RAP1A: variants seen among roughly 807,000 people sequenced by gnomAD.
RAP1A encodes the protein ras-related protein Rap-1A.
RAP1A carries 6 observed loss-of-function variants against 26.4 expected under a neutral mutation model. The ratio of observed to expected loss-of-function variants is 0.23; its 90% confidence interval spans 0.12 to 0.45. RAP1A has a LOEUF of 0.45. RAP1A is among the 20% of genes least tolerant of loss of function. RAP1A has a pLI of 0.99. For synonymous variants in RAP1A, 73 were observed against 79.4 expected, an observed-to-expected ratio of 0.92 and a Z score of 0.43; for missense variants, 121 against 217.2, an observed-to-expected ratio of 0.56 and a Z score of 2.78.
upstream of RAP1A, among the ~76,000 whole-genome samples, chr1:111,617,961 C>T (rs901088609): frequency 4.0e-5 from 6 of 151,524 alleles, no homozygotes; most frequent in South Asian, 4.2e-4. Flanking sequence ...GAGAATCGCT[C>T]GAACCAGGGA....
rs199741781 is a variant in RAP1A at position 111,594,567 on chromosome 1, G to GGGAAGGAAGGAAGGAAGGAAGGAAGGGA, written c.-28+52080_-28+52081insAAGGGAGGAAGGAAGGAAGGAAGGAAGG. 7.6e-3 allele frequency among the ~76,000 whole-genome samples: 1,071 copies of GGGAAGGAAGGAAGGAAGGAAGGAAGGGA among 141,530 alleles called. 12 individuals carry two copies. The highest frequency in any genetic ancestry group is 0.027 in the African/African-American group (984 of 36,832). 92.8% of individuals were successfully genotyped at this position (141,530 alleles called of 152,430 possible). ...AAGAAAGAAAGAAGGAAAGGAGGGA[G>GGGAAGGAAGGAAGGAAGGAAGGAAGGGA]GGAAGGAAGGAAGGAAGGAAGGGAG... On this transcript the variant is annotated intron_variant, in intron 1 of 7. Transcript: ENST00000356415.
rs531258468 is a variant in RAP1A, at chr1:111,696,672, A to C, written c.127-769A>C. On this transcript the variant is annotated intron_variant, in intron 3 of 7. Transcript: ENST00000369709. ...GTTGCTAGTTAAAGCTTTAACTGCAAAGCAAGATCTGTACCTAAAATTCTA... is the reference window on the plus strand; with the variant it reads ...GTTGCTAGTTAAAGCTTTAACTGCACAGCAAGATCTGTACCTAAAATTCTA... 2.0e-4 allele frequency among the ~76,000 whole-genome samples: 31 copies of C among 152,334 alleles called. 1 individual carries two copies. In the South Asian group the frequency reaches 5.6e-3, roughly 27 times the overall value.
intron 1 of RAP1A, among the ~76,000 whole-genome samples, chr1:111,630,095 A>G (rs1406221275): frequency 6.6e-6 from 1 of 152,232 alleles, no homozygotes; most frequent in Admixed American, 6.5e-5. Flanking sequence ...AGTAGCTAGC[A>G]GTTTATGGGA....
chr1:111,656,383 A>C (rs1248099074), intron 1 of RAP1A, among the ~76,000 whole-genome samples: 1 of 152,224 alleles, frequency 6.6e-6, no homozygotes, highest in Non-Finnish European at 1.5e-5. Flanking sequence ...ATCTACTATA[A>C]AAATAAATAA....
chr1:111,688,299 G>T (rs66515524), intron 1 of RAP1A, among the ~76,000 whole-genome samples: 1 of 140,682 alleles, frequency 7.1e-6, no homozygotes, highest in Non-Finnish European at 1.5e-5. Context: ...GTGTGTGTGT[G>T]TATATATATT....
intron 1 of RAP1A, among the ~76,000 whole-genome samples, chr1:111,565,598 G>A (rs1174591355): frequency 2.0e-5 from 3 of 152,174 alleles, no homozygotes; most frequent in African/African-American, 4.8e-5. Context: ...TGTGAAATGT[G>A]ACTAGTATGG....
At chr1:111,590,064 C>G (rs1226843762) in intron 1 of RAP1A, among the ~76,000 whole-genome samples, 1 of 152,200 alleles carries the variant, frequency 6.6e-6, no homozygotes, top group Non-Finnish European at 1.5e-5. Context: ...GCCACTGCAC[C>G]CGGCCTACTA....
intron 1 of RAP1A, among the ~76,000 whole-genome samples, chr1:111,620,536 C>G (rs796214973): frequency 3.3e-5 from 5 of 152,294 alleles, no homozygotes; most frequent in African/African-American, 1.2e-4. Context: ...ATTGCTGTCT[C>G]CGGGCTCACT....
At chr1:111,577,401 CAAAAAAAAAAAA>C (rs56156855) in intron 1 of RAP1A, among the ~76,000 whole-genome samples, 1 of 29,040 alleles carries the variant, frequency 3.4e-5, no homozygotes, top group African/African-American at 1.3e-4. Context: ...GACTCCATCG[CAAAAAAAAAAAA>C]AAAAAAAAAA....
chr1:111,595,656 A>G (rs1658552597), intron 1 of RAP1A, among the ~76,000 whole-genome samples: 1 of 152,110 alleles, frequency 6.6e-6, no homozygotes, highest in African/African-American at 2.4e-5. Flanking sequence ...TACCTGCTGG[A>G]GAGGTGTGTT....
At chr1:111,585,958 A>G (rs1658357900) in intron 1 of RAP1A, among the ~76,000 whole-genome samples, 1 of 152,164 alleles carries the variant, frequency 6.6e-6, no homozygotes, top group Non-Finnish European at 1.5e-5. Flanking sequence ...GCCACCCTCC[A>G]TTGCATTGCT....
intron 1 of RAP1A, among the ~76,000 whole-genome samples, chr1:111,690,213 GCTA>G (rs1201924152): frequency 2.0e-5 from 3 of 152,106 alleles, no homozygotes; most frequent in Non-Finnish European, 2.9e-5. Flanking sequence ...ATTTAGCTTT[GCTA>G]CTAAGATAAG....
At chr1:111,667,067 A>G (rs1023375958) in intron 1 of RAP1A, among the ~76,000 whole-genome samples, 2 of 152,232 alleles carry the variant, frequency 1.3e-5, no homozygotes, top group Admixed American at 6.5e-5. Flanking sequence ...TCTGGCTGCA[A>G]TGTAGAGGAA....
Position 111,690,431 on chromosome 1 carries a change from A to G in RAP1A, c.-27-903A>G, listed in dbSNP as rs79292199. 7.6e-3 allele frequency among the ~76,000 whole-genome samples: 1,160 copies of G among 152,324 alleles called. 17 individuals carry two copies. Among genetic ancestry groups the G allele is most frequent in the African/African-American group, 0.027 (1,118 of 41,576 alleles). ...CTGGAATTTTATATGCTTAGCTTCC[A>G]CTTCTCTGGCCCACTTCCAAGCTCT... On this transcript the variant is annotated intron_variant, in intron 1 of 7. Coordinates refer to ENST00000369709, the MANE Select transcript of RAP1A (RefSeq NM_002884.4).
chr1:111,670,842 G>A (rs1311315692), intron 1 of RAP1A, among the ~76,000 whole-genome samples: 1 of 152,202 alleles, frequency 6.6e-6, no homozygotes, highest in Non-Finnish European at 1.5e-5. Context: ...TATTGTATCT[G>A]TTGTCATAAT....
Position 111,715,927 on chromosome 1 carries a change from T to G in RAP1A, c.*3526T>G, listed in dbSNP as rs1662527882. On this transcript the variant is annotated 3_prime_UTR_variant, in exon 8 of 8. Transcript: ENST00000369709. ...TGTGCCTCAGTTTTGTCTTAGGCAC[T>G]GAGGGACAGAAAGAGAAATAAGGAA... The G allele has an allele frequency of 6.6e-6, 1 of 152,222 alleles. No individual in the cohort carries two copies. Among genetic ancestry groups the G allele is most frequent in the South Asian group, 2.1e-4 (1 of 4,838 alleles). 9.4% of individuals were successfully genotyped at this position (152,222 alleles called of 1,614,324 possible).
At chr1:111,573,353 AAC>A (rs1658085514) in intron 1 of RAP1A, among the ~76,000 whole-genome samples, 1 of 152,166 alleles carries the variant, frequency 6.6e-6, no homozygotes, top group Admixed American at 6.6e-5. Context: ...CACTCCCACC[AAC>A]AGTGTATAAG....
At chr1:111,571,504 G>A (rs577854251) in intron 1 of RAP1A, among the ~76,000 whole-genome samples, 8 of 152,276 alleles carry the variant, frequency 5.3e-5, no homozygotes, top group African/African-American at 1.9e-4. Context: ...TGGTTAAAGG[G>A]GTTCCTTGTG....
chr1:111,641,556 GT>G (rs1659891401), intron 1 of RAP1A, among the ~76,000 whole-genome samples: 1 of 152,074 alleles, frequency 6.6e-6, no homozygotes. Flanking sequence ...TTCAAATATG[GT>G]TTGCGGGAAA....
Sources: allele counts gnomAD v4.1 joint callset (sites outside exome capture counted in the v4.1 genomes callset), GRCh38; gene constraint gnomAD v4.1.1; transcripts MANE v1.5; gene names NCBI Gene and HGNC (gene_info 2026-07-23, HGNC 2026-07-21).